Variants in FAM53B observed in about 807,000 individuals in gnomAD.
FAM53B encodes the protein protein FAM53B.
In FAM53B, 12 loss-of-function variants were observed where a neutral mutation model predicts 32.7. That is an observed-to-expected ratio of 0.37 (90% CI 0.24 to 0.59). The LOEUF (loss-of-function observed/expected upper bound fraction) is 0.59, where lower values mean the gene tolerates loss of function less well. Among genes scored for constraint, FAM53B ranks in the 20% least tolerant of loss-of-function variants. FAM53B has a pLI of 0.72. For missense variants in FAM53B, 477 were observed against 577.7 expected, an observed-to-expected ratio of 0.83 and a Z score of 1.79; for synonymous variants, 234 against 228.7, an observed-to-expected ratio of 1.02 and a Z score of -0.21.
At chr10:124,701,086 T>G (rs568698822) in intron 2 of FAM53B, among the ~76,000 whole-genome samples, 1 of 152,216 alleles carries the variant, frequency 6.6e-6, no homozygotes, top group African/African-American at 2.4e-5. Flanking sequence ...CCTTGGTATC[T>G]CTGCCTGCCC....
chr10:124,737,919 C>A (rs1009245792), intron 1 of FAM53B, among the ~76,000 whole-genome samples: 10 of 152,146 alleles, frequency 6.6e-5, no homozygotes, highest in Admixed American at 5.9e-4. Context: ...GCAGGGCCTG[C>A]ATGAGAACTG....
rs558627494 is a variant in FAM53B, at chr10:124,625,538, C to T, written c.907-1934G>A. 1.1e-4 allele frequency among the ~76,000 whole-genome samples: 16 copies of T among 152,310 alleles called. No individual in the cohort carries two copies. In the East Asian group the frequency reaches 1.5e-3, roughly 15 times the overall value. On this transcript the variant is annotated intron_variant, in intron 4 of 4. Coordinates refer to ENST00000337318, the MANE Select transcript of FAM53B (RefSeq NM_014661.4). ...TGCACAACAGCCCCAGGTTCCTCAC[C>T]GGCTCCTGGCCAGGCCTGGACGATG...
At chr10:124,638,134 C>T (rs1949445753) in intron 4 of FAM53B, among the ~76,000 whole-genome samples, 1 of 152,192 alleles carries the variant, frequency 6.6e-6, no homozygotes, top group South Asian at 2.1e-4. Context: ...CTTTGGGAAG[C>T]TGAGGCAGGC....
rs111926780 is a variant in FAM53B at position 124,657,037 on chromosome 10, AAT to A, written c.906+24568_906+24569del. On this transcript the variant is annotated intron_variant, in intron 4 of 4. Coordinates refer to ENST00000337318, the MANE Select transcript of FAM53B (RefSeq NM_014661.4). ...CATGTACCCTAGAACTTAAAGTATA[AAT>A]ATATATATATATGTATATATGTATA... Among the ~76,000 whole-genome samples the A allele has an allele frequency of 9.5e-3, 1,397 of 146,916 alleles. 11 individuals are homozygous for A. Among genetic ancestry groups the A allele is most frequent in the African/African-American group, 0.02 (799 of 40,346 alleles).
chr10:124,719,055 AAG>A (rs1554910879), intron 1 of FAM53B, among the ~76,000 whole-genome samples: 13 of 131,486 alleles, frequency 9.9e-5, no homozygotes, highest in East Asian at 6.7e-4. Context: ...AATAAAAAAA[AAG>A]AAGAAGAAGA....
chr10:124,729,621 A>C, intron 1 of FAM53B, among the ~76,000 whole-genome samples: 1 of 152,232 alleles, frequency 6.6e-6, no homozygotes, highest in East Asian at 1.9e-4. Flanking sequence ...TTAAGGTGTG[A>C]AGATTTGTGC....
At chr10:124,657,177 C>CATATATATATATATATATGTACAT (rs368205103) in intron 4 of FAM53B, among the ~76,000 whole-genome samples, 1 of 75,032 alleles carries the variant, frequency 1.3e-5, no homozygotes, top group Non-Finnish European at 2.8e-5. Flanking sequence ...TATATATGTA[C>CATATATATATATATATATGTACAT]ATATATATAT....
intron 1 of FAM53B, among the ~76,000 whole-genome samples, chr10:124,741,897 TCTA>T (rs1300045328): frequency 1.3e-5 from 2 of 152,238 alleles, no homozygotes; most frequent in Non-Finnish European, 2.9e-5. Context: ...TGGAATGCTC[TCTA>T]CTTTGTCCTG....
chr10:124,631,435 C>T (rs1949390507), intron 4 of FAM53B, among the ~76,000 whole-genome samples: 1 of 152,206 alleles, frequency 6.6e-6, no homozygotes, highest in Non-Finnish European at 1.5e-5. Context: ...CCTGCCAGAC[C>T]CAAGGAAGGC....
rs550124021 is a variant in FAM53B at position 124,669,976 on chromosome 10, A to G, written c.906+11631T>C. ...GTGGGTGAGGATTACAGGGTGGGTG[A>G]GGACCACACACCCGAGGGAGGACGC... On this transcript the variant is annotated intron_variant, in intron 4 of 4. Transcript: ENST00000337318. Among the ~76,000 whole-genome samples, 350 of 126,704 alleles carry G rather than the reference A, an allele frequency of 2.8e-3. 3 individuals carry two copies. Among genetic ancestry groups the G allele is most frequent in the African/African-American group, 9.5e-3 (338 of 35,726 alleles). 83.1% of individuals were successfully genotyped at this position (126,704 alleles called of 152,430 possible).
At chr10:124,675,533 C>T (rs190414962) in intron 4 of FAM53B, among the ~76,000 whole-genome samples, 2 of 152,196 alleles carry the variant, frequency 1.3e-5, no homozygotes, top group Non-Finnish European at 2.9e-5. Flanking sequence ...CAGATCCATG[C>T]GACATGATTC....
Position 124,646,775 on chromosome 10 carries a change from T to C in FAM53B, c.907-23171A>G, listed in dbSNP as rs371249950. 2.2e-4 allele frequency among the ~76,000 whole-genome samples: 33 copies of C among 152,344 alleles called. No homozygotes were observed. The South Asian group carries it at 6.0e-3, about 28-fold the overall frequency. On this transcript the variant is annotated intron_variant, in intron 4 of 4. Transcript: ENST00000337318. ...ACTGGGGTGATTCATCCCATTACTT[T>C]AAGGGGAGGCTGGAAGCAGCCATGA...
In FAM53B at chr10:124,706,821, G is replaced by C; in HGVS notation, c.-108C>G. On this transcript the variant is annotated 5_prime_UTR_variant, in exon 2 of 5. Transcript: ENST00000337318. Reference sequence around the variant, plus strand: ...TGGGGAATTGATGTCAGCAGAAACAGCTCCCCATTGGCCACTCACCCTTGG... The same window carrying C: ...TGGGGAATTGATGTCAGCAGAAACACCTCCCCATTGGCCACTCACCCTTGG... 1 of 1,569,120 alleles carries C rather than the reference G, an allele frequency of 6.4e-7. No homozygotes were observed. Among genetic ancestry groups the C allele is most frequent in the Non-Finnish European group, 8.6e-7 (1 of 1,156,678 alleles).
rs369919093 is a variant in FAM53B at position 124,663,874 on chromosome 10, C to G, written c.906+17733G>C. The stretch of plus-strand genomic sequence containing the variant: ...GCTACTGCTCCTCACCTCCTCCCAC[C>G]AACCCAGGAGGCTCTGGGCCAAATC... On this transcript the variant is annotated intron_variant, in intron 4 of 4. Transcript: ENST00000337318. 6.6e-5 allele frequency among the ~76,000 whole-genome samples: 10 copies of G among 152,246 alleles called. No homozygotes were observed. The East Asian group carries it at 1.4e-3, about 21-fold the overall frequency.
intron 4 of FAM53B, among the ~76,000 whole-genome samples, chr10:124,677,913 G>A (rs1329803885): frequency 1.3e-5 from 2 of 152,136 alleles, no homozygotes; most frequent in Non-Finnish European, 2.9e-5. Flanking sequence ...GACAAGGGGG[G>A]GTGAATCCAA....
intron 4 of FAM53B, among the ~76,000 whole-genome samples, chr10:124,653,534 C>T (rs1435952368): frequency 6.6e-6 from 1 of 152,246 alleles, no homozygotes; most frequent in Non-Finnish European, 1.5e-5. Flanking sequence ...CCTGCCAGGA[C>T]ACTGGCCCAG....
intron 4 of FAM53B, among the ~76,000 whole-genome samples, chr10:124,681,157 G>A (rs1046566202): frequency 3.9e-5 from 6 of 152,254 alleles, no homozygotes; most frequent in African/African-American, 7.2e-5. Flanking sequence ...CCCCCCAATC[G>A]CTAGCTCTTG....
At chr10:124,645,262 C>CA (rs1949505239) in intron 4 of FAM53B, among the ~76,000 whole-genome samples, 1 of 152,268 alleles carries the variant, frequency 6.6e-6, no homozygotes, top group South Asian at 2.1e-4. Flanking sequence ...GCCTCTTCCT[C>CA]AACACAGTAA....
chr10:124,719,955 G>C (rs1950059175), intron 1 of FAM53B, among the ~76,000 whole-genome samples: 1 of 152,174 alleles, frequency 6.6e-6, no homozygotes, highest in Admixed American at 6.5e-5. Context: ...CTGAGGTAAG[G>C]AGTTCGAGAC....
Sources: allele counts gnomAD v4.1 joint callset (sites outside exome capture counted in the v4.1 genomes callset), GRCh38; gene constraint gnomAD v4.1.1; transcripts MANE v1.5; gene names NCBI Gene and HGNC (gene_info 2026-07-23, HGNC 2026-07-21).